The following THSD7A variants were observed in gnomAD, a reference collection of about 807,000 sequenced individuals.
The protein encoded by THSD7A is thrombospondin type-1 domain-containing protein 7A.
THSD7A carries 96 observed loss-of-function variants against 231.3 expected under a neutral mutation model. The observed-to-expected ratio is 0.41, with a 90% confidence interval of 0.35 to 0.49. THSD7A has a LOEUF of 0.49. THSD7A is among the 20% of genes least tolerant of loss of function. The pLI is 0.05. For missense variants in THSD7A, 2,290 were observed against 2,070.2 expected, an observed-to-expected ratio of 1.11 and a Z score of -2.06; for synonymous variants, 940 against 743.3, an observed-to-expected ratio of 1.26 and a Z score of -4.30.
intron 1 of THSD7A, among the ~76,000 whole-genome samples, chr7:11,701,730 G>T (rs987711647): frequency 6.6e-6 from 1 of 151,102 alleles, no homozygotes; most frequent in Admixed American, 6.6e-5. Context: ...GTTGATCCTT[G>T]AGCCACATTT....
intron 1 of THSD7A, among the ~76,000 whole-genome samples, chr7:11,811,172 G>A (rs1784519166): frequency 6.6e-6 from 1 of 151,996 alleles, no homozygotes; most frequent in Non-Finnish European, 1.5e-5. Context: ...CCATTAACCA[G>A]ACTTTGATTA....
At chr7:11,439,232 A>T (rs1479352864) in intron 13 of THSD7A, among the ~76,000 whole-genome samples, 1 of 152,040 alleles carries the variant, frequency 6.6e-6, no homozygotes, top group Non-Finnish European at 1.5e-5. Context: ...ATAAAGAAAC[A>T]ATGTAAGTAT....
chr7:11,796,579 GT>G (rs1026638286), intron 1 of THSD7A, among the ~76,000 whole-genome samples: 2 of 147,310 alleles, frequency 1.4e-5, no homozygotes, highest in Non-Finnish European at 3.0e-5. Context: ...TAAAATGTGT[GT>G]TTTTTTTTCA....
chr7:11,392,710 C>A (rs1783032883), intron 23 of THSD7A, among the ~76,000 whole-genome samples: 1 of 152,106 alleles, frequency 6.6e-6, no homozygotes, highest in Non-Finnish European at 1.5e-5. Flanking sequence ...GGGGTGTATA[C>A]CATTATTGAG....
intron 2 of THSD7A, among the ~76,000 whole-genome samples, chr7:11,610,816 A>G (rs1298071499): frequency 6.6e-6 from 1 of 152,138 alleles, no homozygotes; most frequent in East Asian, 1.9e-4. Context: ...TATTTGTTCA[A>G]CTTAATGGAA....
intron 1 of THSD7A, among the ~76,000 whole-genome samples, chr7:11,664,333 A>T (rs569784452): frequency 1.3e-5 from 2 of 152,076 alleles, no homozygotes; most frequent in Non-Finnish European, 2.9e-5. Context: ...GGTACTAGAT[A>T]GATTTGGGTT....
chr7:11,435,348 A>G (rs1784600402), intron 13 of THSD7A, among the ~76,000 whole-genome samples: 1 of 152,110 alleles, frequency 6.6e-6, no homozygotes. Context: ...TGGGCTCCTC[A>G]GACTACTTAT....
chr7:11,510,811 C>T (rs1331222411), intron 6 of THSD7A, among the ~76,000 whole-genome samples: 2 of 151,974 alleles, frequency 1.3e-5, no homozygotes, highest in Non-Finnish European at 2.9e-5. Context: ...GACCCACAGC[C>T]AATATGGGTC....
intron 6 of THSD7A, among the ~76,000 whole-genome samples, chr7:11,504,150 T>A (rs1011187082): frequency 2.6e-5 from 4 of 152,176 alleles, no homozygotes; most frequent in African/African-American, 9.7e-5. Flanking sequence ...CGAGATCATG[T>A]CTCTTGTGGG....
intron 19 of THSD7A, among the ~76,000 whole-genome samples, chr7:11,409,406 T>G (rs1783703748): frequency 6.6e-6 from 1 of 152,198 alleles, no homozygotes; most frequent in African/African-American, 2.4e-5. Context: ...AGTCCCTAAT[T>G]GCCATGCAAC....
intron 1 of THSD7A, among the ~76,000 whole-genome samples, chr7:11,761,085 A>C (rs1216401538): frequency 6.6e-6 from 1 of 151,692 alleles, no homozygotes; most frequent in Non-Finnish European, 1.5e-5. Flanking sequence ...CAAACAAAAA[A>C]TTTTTAGAAC....
chr7:11,408,063 CCTT>C (rs574153824), intron 19 of THSD7A, among the ~76,000 whole-genome samples: 1 of 152,156 alleles, frequency 6.6e-6, no homozygotes, highest in East Asian at 1.9e-4. Context: ...TGGTGTCAAA[CCTT>C]CTCATCAGAT....
chr7:11,549,928 AC>A (rs1336774635), intron 4 of THSD7A, among the ~76,000 whole-genome samples: 1 of 152,136 alleles, frequency 6.6e-6, no homozygotes, highest in Non-Finnish European at 1.5e-5. Flanking sequence ...CTTAAAACAA[AC>A]AAATGAATGC....
intron 1 of THSD7A, among the ~76,000 whole-genome samples, chr7:11,822,946 C>A (rs1310797901): frequency 6.6e-6 from 1 of 151,960 alleles, no homozygotes; most frequent in Non-Finnish European, 1.5e-5. Flanking sequence ...TGCAGAAGGT[C>A]TTCAGTTTAA....
At chr7:11,556,306 T>C (rs998378690) in intron 4 of THSD7A, among the ~76,000 whole-genome samples, 5 of 150,106 alleles carry the variant, frequency 3.3e-5, no homozygotes, top group African/African-American at 1.2e-4. Context: ...TGTGTATATA[T>C]GTACATATAT....
chr7:11,590,480 C>T lies in THSD7A; in HGVS notation c.1433G>A (p.Ser478Asn). 1.2e-6 allele frequency: 2 copies of T among 1,612,310 alleles called. No homozygotes were observed. Among genetic ancestry groups the T allele is most frequent in the Non-Finnish European group, 1.7e-6 (2 of 1,179,234 alleles). The change falls in exon 4 of 28, where the codon AGT becomes AAT. Residue 478 changes from serine (S) to asparagine (N), a missense_variant. By Grantham distance (46) the Ser-to-Asn change is conservative. Coordinates refer to ENST00000423059, the MANE Select transcript of THSD7A (RefSeq NM_015204.3). The surrounding 1 kb of genome is among the most constrained non-coding windows in gnomAD (Gnocchi z 4.4). ...GTTACCTTCTTTGTTCTTGTGGGTA[C>T]TTAATTGTGAGAGGAGGTTTTCGTT... ...QANENLLSQL[S>N]THKNKEASKP...
chr7:11,391,048 G>A (rs933951203), intron 23 of THSD7A, among the ~76,000 whole-genome samples: 2 of 152,170 alleles, frequency 1.3e-5, no homozygotes, highest in Non-Finnish European at 1.5e-5. Context: ...ACTGGGAGGT[G>A]TCTCCCAGTC....
At chr7:11,631,228 C>T (rs17576226) in intron 2 of THSD7A, among the ~76,000 whole-genome samples, 14,809 of 152,154 alleles carry the variant, frequency 0.097, 944 homozygotes, top group Middle Eastern at 0.27. Context: ...TAGCTTCCTC[C>T]GTCTCTGAGG....
chr7:11,704,695 A>C (rs1470460458), intron 1 of THSD7A, among the ~76,000 whole-genome samples: 1 of 151,024 alleles, frequency 6.6e-6, no homozygotes, highest in Non-Finnish European at 1.5e-5. Flanking sequence ...GGGTCCACGA[A>C]TTCCATGTGA....
Sources: allele counts gnomAD v4.1 joint callset (sites outside exome capture counted in the v4.1 genomes callset), GRCh38; gene constraint gnomAD v4.1.1; non-coding constraint Gnocchi (gnomAD v3.1); transcripts MANE v1.5; gene names NCBI Gene and HGNC (gene_info 2026-07-23, HGNC 2026-07-21).